Variants in MPRIP observed in about 807,000 individuals in gnomAD.
The protein encoded by MPRIP is myosin phosphatase Rho interacting protein.
In MPRIP, 59 loss-of-function variants were observed where a neutral mutation model predicts 234.9. The observed-to-expected ratio is 0.25, with a 90% CI of 0.20 to 0.31. The LOEUF (loss-of-function observed/expected upper bound fraction) is 0.31, where lower values mean the gene tolerates loss of function less well. Ranked by LOEUF, MPRIP falls within the 10% of genes least tolerant of loss-of-function variation. MPRIP has a pLI of 1.00. For missense variants in MPRIP, 2,436 were observed against 3,071.0 expected (o/e 0.79, Z 4.89); for synonymous variants, 1,144 against 1,263.9 (o/e 0.91, Z 2.01).
At chr17:17,098,204 T>C (rs2089888568) in intron 3 of MPRIP, among the ~76,000 whole-genome samples, 1 of 152,148 alleles carries the variant, frequency 6.6e-6, no homozygotes, top group African/African-American at 2.4e-5. Flanking sequence ...GTAAAGCAGC[T>C]CCAGGGAGCT....
intron 5 of MPRIP, among the ~76,000 whole-genome samples, chr17:17,135,437 C>G (rs1291488513): frequency 6.6e-6 from 1 of 152,178 alleles, no homozygotes; most frequent in African/African-American, 2.4e-5. Context: ...GAGTGTGTGC[C>G]TGTGTGCAGA....
rs908919023 is a variant in MPRIP, at chr17:17,183,524, T to A, written c.7207-1299T>A. On this transcript the variant is annotated intron_variant, in intron 23 of 23. Coordinates refer to ENST00000651222, the MANE Select transcript of MPRIP (RefSeq NM_001364716.4). Reference sequence around the variant, plus strand: ...AGCCACCGCGCCCGGCCTGGACCAGTGAGTTTTAAAATGCTTAGCAGCAGA... The same window carrying A: ...AGCCACCGCGCCCGGCCTGGACCAGAGAGTTTTAAAATGCTTAGCAGCAGA... Among the ~76,000 whole-genome samples the A allele has an allele frequency of 2.6e-5, 4 of 152,106 alleles. 1 individual carries two copies. The highest frequency in any genetic ancestry group is 2.6e-4 in the Admixed American group (4 of 15,220).
chr17:17,181,738 A>T (rs1168030868), intron 23 of MPRIP: 1 of 152,200 alleles, frequency 6.6e-6, no homozygotes, highest in African/African-American at 2.4e-5. Context: ...CCATGTCTAT[A>T]AGTGACATGG....
In MPRIP at chr17:17,118,834, G is replaced by T. The variant is rs1597835176; in HGVS notation, c.268-7868G>T. Among the ~76,000 whole-genome samples, 3 of 152,122 alleles carry T rather than the reference G, an allele frequency of 2.0e-5. No homozygotes were observed. The South Asian group carries it at 6.2e-4, about 32-fold the overall frequency. On this transcript the variant is annotated intron_variant, in intron 3 of 23. Coordinates refer to ENST00000651222, the MANE Select transcript of MPRIP (RefSeq NM_001364716.4). ...TTGGGCTTTGGGGATATCTGTCTGTGGAGAGTGCTGCTCCCTGGGGAGGTC... is the reference window on the plus strand; with the variant it reads ...TTGGGCTTTGGGGATATCTGTCTGTTGAGAGTGCTGCTCCCTGGGGAGGTC...
intron 13 of MPRIP, among the ~76,000 whole-genome samples, chr17:17,156,454 A>G (rs540777428): frequency 6.6e-6 from 1 of 152,164 alleles, no homozygotes; most frequent in Non-Finnish European, 1.5e-5. Context: ...GGCTTTTATT[A>G]TTTGAGGAAA....
chr17:17,105,671 G>A (rs929856763), intron 3 of MPRIP, among the ~76,000 whole-genome samples: 6 of 152,184 alleles, frequency 3.9e-5, no homozygotes, highest in African/African-American at 1.4e-4. Context: ...CCGACGTCCT[G>A]TAATGAGATA....
chr17:17,043,046 TGCAGGGAAAATAAAAATGGA>T, intron 1 of MPRIP, 75 bp downstream of exon 1: 2 of 1,431,742 alleles, frequency 1.4e-6, no homozygotes, highest in Non-Finnish European at 1.9e-6. Context: ...CGCCAAGGGC[TGCAGGGAAAATAAAAATGGA>T]GCAGGGAAAT....
chr17:17,081,810 A>C (rs924978264), intron 3 of MPRIP, among the ~76,000 whole-genome samples: 4 of 152,104 alleles, frequency 2.6e-5, no homozygotes, highest in Non-Finnish European at 4.4e-5. Flanking sequence ...TTTTTTGGGA[A>C]ATTTCTTTCT....
chr17:17,106,404 G>A (rs139330172), intron 3 of MPRIP, among the ~76,000 whole-genome samples: 396 of 152,334 alleles, frequency 2.6e-3, no homozygotes, highest in African/African-American at 8.9e-3. Context: ...CATGCCTGGC[G>A]TGGGCAGAAC....
intron 7 of MPRIP, among the ~76,000 whole-genome samples, chr17:17,141,087 C>T (rs1282025120): frequency 6.6e-6 from 1 of 152,180 alleles, no homozygotes; most frequent in Non-Finnish European, 1.5e-5. Context: ...TTCTCCACCA[C>T]GACTCCTCTG....
At chr17:17,096,664 T>C (rs2089852402) in intron 3 of MPRIP, 1 of 439,660 alleles carries the variant, frequency 2.3e-6, no homozygotes, top group Non-Finnish European at 4.8e-6. Context: ...CCACAGCTGA[T>C]ACTCCGGCTG....
rs2046583276 is a variant in MPRIP, at chr17:17,191,383, TGG to T, written c.*6490_*6491del. 1 of 152,270 alleles carries T rather than the reference TGG, an allele frequency of 6.6e-6. No homozygotes were observed. Among genetic ancestry groups the T allele is most frequent in the East Asian group, 1.9e-4 (1 of 5,206 alleles). The allele number at this position is 152,270 out of a possible 1,614,324, so 9.4% of individuals were successfully genotyped here. On this transcript the variant is annotated 3_prime_UTR_variant, in exon 24 of 24. Coordinates refer to ENST00000651222, the MANE Select transcript of MPRIP (RefSeq NM_001364716.4). ...CACTGGGCAGGGCTCTGTGGAGCAC[TGG>T]AGCTGTTTGGATTCCCCAGCCCTTT...
At chr17:17,114,026 A>G (rs915055392) in intron 3 of MPRIP, among the ~76,000 whole-genome samples, 2 of 151,670 alleles carry the variant, frequency 1.3e-5, no homozygotes, top group Middle Eastern at 3.4e-3. Flanking sequence ...AACTGGGACT[A>G]TAAGAGTACA....
chr17:17,064,160 C>T (rs1031187557), intron 1 of MPRIP, among the ~76,000 whole-genome samples: 4 of 151,732 alleles, frequency 2.6e-5, no homozygotes, highest in African/African-American at 9.7e-5. Flanking sequence ...GGACTGACTG[C>T]AGAGGCCACA....
At chr17:17,181,015 C>CA (rs1362123552) in intron 23 of MPRIP, among the ~76,000 whole-genome samples, 2 of 152,198 alleles carry the variant, frequency 1.3e-5, no homozygotes, top group Non-Finnish European at 2.9e-5. Flanking sequence ...TCCACACTGG[C>CA]AAGTGAAGTC....
At chr17:17,049,822 C>T (rs1009123818) in intron 1 of MPRIP, among the ~76,000 whole-genome samples, 5 of 152,332 alleles carry the variant, frequency 3.3e-5, no homozygotes, top group African/African-American at 1.2e-4. Context: ...ACCCCTCAGA[C>T]CAGCCCTGTC....
rs1407029981 is a variant in MPRIP, at chr17:17,175,278, G to T, written c.6751-15G>T. ...GGCAGCTCTGGAGTGTCACTGTTGT[G>T]TTGCTGTCCCCCAGGAGCTGAACAA... On this transcript the variant is annotated splice_polypyrimidine_tract_variant and intron_variant, in intron 19 of 23. Coordinates refer to ENST00000651222, the MANE Select transcript of MPRIP (RefSeq NM_001364716.4). 4 of 1,613,026 alleles carry T rather than the reference G, an allele frequency of 2.5e-6. No individual in the cohort carries two copies. The highest frequency in any genetic ancestry group is 3.4e-6 in the Non-Finnish European group (4 of 1,179,960).
intron 23 of MPRIP, among the ~76,000 whole-genome samples, chr17:17,184,076 T>C (rs1194916278): frequency 6.6e-6 from 1 of 152,268 alleles, no homozygotes; most frequent in Non-Finnish European, 1.5e-5. Flanking sequence ...GCTCTTCCTT[T>C]TCTTATTCAG....
rs765170233 is a variant in MPRIP at position 17,165,909 on chromosome 17, G to T, written c.4318G>T (p.Val1440Phe). The T allele has an allele frequency of 1.9e-4, 252 of 1,304,036 alleles. No individual in the cohort carries two copies. The highest frequency in any genetic ancestry group is 2.5e-4 in the Non-Finnish European group (243 of 988,832). 80.8% of individuals were successfully genotyped at this position (1,304,036 alleles called of 1,614,324 possible). ...REQLRASLLQ[V>F]GALASQLEQE... ...GCAGCTCCGCGCCAGCCTGCTCCAG[G>T]TTGGCGCACTGGCCTCCCAGCTGGA... The change falls in exon 16 of 24, where the codon GTT becomes TTT. Residue 1440 changes from valine to phenylalanine, a missense_variant. Physicochemically the swap from Val to Phe is conservative, Grantham distance 50. Around this residue, in one of 4 missense-constraint regions of MPRIP, gnomAD observed 1,998 missense variants for 2,520.3 expected, o/e 0.79. Coordinates refer to ENST00000651222, the MANE Select transcript of MPRIP (RefSeq NM_001364716.4).
Sources: gnomAD v4.1 joint callset for allele counts (sites outside exome capture counted in the v4.1 genomes callset) on GRCh38, gnomAD v4.1.1 for gene constraint, gnomAD v4.1.1 regional missense constraint, MANE v1.5 for transcripts, NCBI Gene and HGNC (gene_info 2026-07-23, HGNC 2026-07-21) for gene names.